The following HSPA12A variants were observed in gnomAD, a reference collection of about 807,000 sequenced individuals.
HSPA12A encodes heat shock protein family A (Hsp70) member 12A.
A neutral mutation model predicts 69.2 loss-of-function variants in HSPA12A; 28 were observed. The ratio of observed to expected loss-of-function variants is 0.40; its 90% CI spans 0.30 to 0.55. HSPA12A has a LOEUF of 0.55. Among genes scored for constraint, HSPA12A ranks in the 20% least tolerant of loss-of-function variants. The pLI, the probability that HSPA12A is intolerant of heterozygous loss-of-function variation, is 0.38. For missense variants in HSPA12A, 686 were observed against 900.7 expected, an observed-to-expected ratio of 0.76 and a Z score of 3.05; for synonymous variants, 345 against 370.5, an observed-to-expected ratio of 0.93 and a Z score of 0.79.
At chr10:116,721,873 G>A (rs1237597012) in intron 1 of HSPA12A, among the ~76,000 whole-genome samples, 1 of 152,210 alleles carries the variant, frequency 6.6e-6, no homozygotes, top group African/African-American at 2.4e-5. Context: ...GTGTGTACAT[G>A]TTATGAAAGA....
intron 2 of HSPA12A, among the ~76,000 whole-genome samples, chr10:116,802,617 T>C (rs117109012): frequency 1.1e-3 from 175 of 152,226 alleles, no homozygotes; most frequent in Middle Eastern, 3.4e-3. Context: ...AAAAAGACAA[T>C]GGAGGCATGG....
chr10:116,830,089 T>G (rs1845585063), intron 2 of HSPA12A: 2 of 152,218 alleles, frequency 1.3e-5, no homozygotes, highest in South Asian at 4.1e-4. Flanking sequence ...GGACTTGTCA[T>G]CTTCCTACCT....
rs781989904 is a variant in HSPA12A, at chr10:116,683,728, A to T, written c.835+63T>A. ...AAGTGCCTTTAAAATCATCAGAGGG[A>T]GAGAGACATCCAGGGCTTGGGAAGG... On this transcript the variant is annotated intron_variant, in intron 7 of 11. Coordinates refer to ENST00000369209, the MANE Select transcript of HSPA12A (RefSeq NM_025015.3). 3.5e-6 allele frequency: 5 copies of T among 1,408,538 alleles called. No homozygotes were observed. The Admixed American group carries it at 6.2e-5, about 18-fold the overall frequency. 87.3% of individuals were successfully genotyped at this position (1,408,538 alleles called of 1,614,324 possible).
chr10:116,716,253 C>T (rs557099822), intron 1 of HSPA12A, among the ~76,000 whole-genome samples: 1 of 152,266 alleles, frequency 6.6e-6, no homozygotes, highest in African/African-American at 2.4e-5. Flanking sequence ...AGGACCCTGA[C>T]ATGCCCATTT....
chr10:116,744,163 C>T (rs879974341), upstream of HSPA12A, among the ~76,000 whole-genome samples: 50 of 152,226 alleles, frequency 3.3e-4, no homozygotes, highest in African/African-American at 1.2e-3. Flanking sequence ...CGCTCTGATT[C>T]TTCAATCCCT....
intron 2 of HSPA12A, among the ~76,000 whole-genome samples, chr10:116,794,959 A>G (rs950643739): frequency 1.3e-5 from 2 of 152,238 alleles, no homozygotes; most frequent in Non-Finnish European, 2.9e-5. Flanking sequence ...AATATACTAT[A>G]TCAAAACTTA....
chr10:116,842,119 G>A (rs951961284), intron 1 of HSPA12A, among the ~76,000 whole-genome samples: 5 of 152,060 alleles, frequency 3.3e-5, no homozygotes, highest in Non-Finnish European at 7.4e-5. Flanking sequence ...CTTAAAGTAC[G>A]TTTTCAAGGA....
intron 1 of HSPA12A, among the ~76,000 whole-genome samples, chr10:116,729,110 T>C (rs572910215): frequency 2.0e-5 from 3 of 152,354 alleles, no homozygotes; most frequent in South Asian, 2.1e-4. Context: ...TAGTGGGTTC[T>C]CAGCCTCTGT....
chr10:116,688,338 C>T (rs1157207720), intron 6 of HSPA12A, among the ~76,000 whole-genome samples: 9 of 152,168 alleles, frequency 5.9e-5, no homozygotes, highest in African/African-American at 2.2e-4. Flanking sequence ...GTATCTGAAC[C>T]AAGAGCATGC....
In HSPA12A at chr10:116,678,134, T is replaced by C. The variant is rs375902389; in HGVS notation, c.1286+1369A>G. On this transcript the variant is annotated intron_variant, in intron 10 of 11. Coordinates refer to ENST00000369209, the MANE Select transcript of HSPA12A (RefSeq NM_025015.3). ...TCTAGCTAAATAAATGAGGAAGGAG[T>C]GATGGACCAAGATGGTGGCCATGGA... Among the ~76,000 whole-genome samples, 30 of 150,952 alleles carry C rather than the reference T, an allele frequency of 2.0e-4. 1 individual carries two copies. Among genetic ancestry groups the C allele is most frequent in the African/African-American group, 6.6e-4 (27 of 41,078 alleles).
chr10:116,841,271 A>G (rs931827804), intron 1 of HSPA12A, among the ~76,000 whole-genome samples: 1 of 152,200 alleles, frequency 6.6e-6, no homozygotes, highest in Non-Finnish European at 1.5e-5. Flanking sequence ...AAACATCATT[A>G]ATAACATAAT....
At chr10:116,841,124 T>C (rs1430263956) in intron 1 of HSPA12A, among the ~76,000 whole-genome samples, 3 of 152,182 alleles carry the variant, frequency 2.0e-5, no homozygotes, top group African/African-American at 4.8e-5. Flanking sequence ...GTGAAAGTAA[T>C]TTCATACGAC....
intron 2 of HSPA12A, among the ~76,000 whole-genome samples, chr10:116,778,007 C>T (rs943608582): frequency 1.2e-4 from 18 of 152,100 alleles, no homozygotes; most frequent in Admixed American, 8.5e-4. Flanking sequence ...ATTACAGACA[C>T]GAGCCACTGC....
chr10:116,763,748 A>T (rs1844020837), intron 2 of HSPA12A, among the ~76,000 whole-genome samples: 2 of 152,190 alleles, frequency 1.3e-5, no homozygotes, highest in Admixed American at 1.3e-4. Context: ...GGGTTACAAG[A>T]TTCAACTGAA....
intron 6 of HSPA12A, among the ~76,000 whole-genome samples, chr10:116,689,620 G>C (rs1554879911): frequency 2.0e-5 from 3 of 148,682 alleles, no homozygotes. Flanking sequence ...CACACAGACA[G>C]ACAGACAGAC....
chr10:116,822,184 C>T (rs568870119), intron 2 of HSPA12A, among the ~76,000 whole-genome samples: 66 of 152,296 alleles, frequency 4.3e-4, no homozygotes, highest in East Asian at 1.9e-3. Context: ...TTTGTCCATA[C>T]GGGAACTGTC....
At chr10:116,765,692 G>C (rs1242845327) in intron 2 of HSPA12A, among the ~76,000 whole-genome samples, 1 of 152,018 alleles carries the variant, frequency 6.6e-6, no homozygotes, top group Non-Finnish European at 1.5e-5. Flanking sequence ...ACACGTGTGG[G>C]GCAGGACACA....
intron 2 of HSPA12A, among the ~76,000 whole-genome samples, chr10:116,828,363 G>A (rs1008577048): frequency 2.0e-5 from 3 of 152,150 alleles, no homozygotes; most frequent in African/African-American, 7.2e-5. Context: ...TGGTAGACAG[G>A]CAGGAAGGAC....
At chr10:116,756,102 G>A (rs1589687785) in intron 2 of HSPA12A, among the ~76,000 whole-genome samples, 1 of 152,322 alleles carries the variant, frequency 6.6e-6, no homozygotes, top group East Asian at 1.9e-4. Context: ...AGATCAAACA[G>A]TTGTGCTAAG....
Sources: allele counts gnomAD v4.1 joint callset (sites outside exome capture counted in the v4.1 genomes callset), GRCh38; gene constraint gnomAD v4.1.1; transcripts MANE v1.5; gene names NCBI Gene and HGNC (gene_info 2026-07-23, HGNC 2026-07-21).